KCND2: variants seen among roughly 807,000 people sequenced by gnomAD.
KCND2 encodes the protein A-type voltage-gated potassium channel KCND2.
In KCND2, 16 loss-of-function variants were observed where a neutral mutation model predicts 54.4. The ratio of observed to expected loss-of-function variants is 0.29; its 90% CI spans 0.20 to 0.45. The LOEUF (loss-of-function observed/expected upper bound fraction) is 0.45. Among genes scored for constraint, KCND2 ranks in the 20% least tolerant of loss-of-function variants. KCND2 has a pLI of 1.00. For synonymous variants in KCND2, 317 were observed against 310.7 expected, an observed-to-expected ratio of 1.02 and a Z score of -0.21; for missense variants, 486 against 824.2, an observed-to-expected ratio of 0.59 and a Z score of 5.02.
At chr7:120,391,229 C>T (rs560108870) in intron 1 of KCND2, among the ~76,000 whole-genome samples, 3 of 152,134 alleles carry the variant, frequency 2.0e-5, no homozygotes, top group South Asian at 2.1e-4. Context: ...CTTCCATGTC[C>T]GTGCAAAGGA....
At chr7:120,287,658 G>A (rs1001433089) in intron 1 of KCND2, among the ~76,000 whole-genome samples, 1 of 151,994 alleles carries the variant, frequency 6.6e-6, no homozygotes, top group Non-Finnish European at 1.5e-5. Flanking sequence ...TTCAAGACCA[G>A]CCTGACCAGC....
intron 1 of KCND2, among the ~76,000 whole-genome samples, chr7:120,285,630 T>C (rs1004874309): frequency 5.9e-5 from 9 of 151,966 alleles, no homozygotes; most frequent in Non-Finnish European, 1.2e-4. Context: ...ATAGATTGCC[T>C]TGCATTTTTT....
chr7:120,364,954 A>AT (rs1277734721), intron 1 of KCND2, among the ~76,000 whole-genome samples: 1 of 152,058 alleles, frequency 6.6e-6, no homozygotes, highest in Admixed American at 6.6e-5. Flanking sequence ...GAGCAAAAAG[A>AT]TTATAAGAAA....
At chr7:120,474,049 A>C (rs1328340704) in intron 1 of KCND2, among the ~76,000 whole-genome samples, 1 of 152,134 alleles carries the variant, frequency 6.6e-6, no homozygotes, top group African/African-American at 2.4e-5. Flanking sequence ...CAGGAGCTCT[A>C]CTTACCTCAG....
chr7:120,556,257 G>A (rs1359991372), intron 1 of KCND2, among the ~76,000 whole-genome samples: 1 of 152,090 alleles, frequency 6.6e-6, no homozygotes, highest in African/African-American at 2.4e-5. Flanking sequence ...AATTCCCCTG[G>A]TGAGCCAAAG....
At chr7:120,632,536 A>G (rs1350774673) in intron 1 of KCND2, among the ~76,000 whole-genome samples, 2 of 152,176 alleles carry the variant, frequency 1.3e-5, no homozygotes, top group African/African-American at 2.4e-5. Context: ...CTGATATATG[A>G]TAGTCTTTCC....
At chr7:120,574,922 T>C (rs1792409630) in intron 1 of KCND2, among the ~76,000 whole-genome samples, 2 of 152,224 alleles carry the variant, frequency 1.3e-5, no homozygotes, top group African/African-American at 4.8e-5. Context: ...TTTTGAATTA[T>C]TTTAAAATTT....
chr7:120,344,518 A>T (rs1245836926), intron 1 of KCND2, among the ~76,000 whole-genome samples: 2 of 152,156 alleles, frequency 1.3e-5, no homozygotes, highest in Non-Finnish European at 1.5e-5. Context: ...TTATAAGAAG[A>T]TAATGTTGCA....
intron 1 of KCND2, among the ~76,000 whole-genome samples, chr7:120,670,079 C>A (rs1791973591): frequency 6.6e-6 from 1 of 151,970 alleles, no homozygotes; most frequent in Admixed American, 6.5e-5. Context: ...AAGGGGTGAA[C>A]TAAAATCTCA....
chr7:120,321,085 T>C (rs1470730425), intron 1 of KCND2, among the ~76,000 whole-genome samples: 4 of 152,316 alleles, frequency 2.6e-5, no homozygotes, highest in Admixed American at 2.6e-4. Flanking sequence ...TATGCATTTG[T>C]AAATTAATCC....
intron 1 of KCND2, among the ~76,000 whole-genome samples, chr7:120,635,769 AT>A (rs1362827641): frequency 6.6e-6 from 1 of 152,204 alleles, no homozygotes; most frequent in Admixed American, 6.5e-5. Context: ...TAAGAACTAC[AT>A]GATGTAGATA....
At chr7:120,611,229 C>T (rs911359111) in intron 1 of KCND2, among the ~76,000 whole-genome samples, 9 of 152,268 alleles carry the variant, frequency 5.9e-5, no homozygotes, top group South Asian at 2.1e-4. Context: ...TTAATTATTA[C>T]GCATTTCATT....
At chr7:120,484,067 A>C (rs1304882254) in intron 1 of KCND2, among the ~76,000 whole-genome samples, 1 of 152,132 alleles carries the variant, frequency 6.6e-6, no homozygotes, top group Non-Finnish European at 1.5e-5. Flanking sequence ...ATTGATGAGG[A>C]GCAAGATCCT....
At chr7:120,558,184 G>C (rs982614564) in intron 1 of KCND2, among the ~76,000 whole-genome samples, 1 of 152,004 alleles carries the variant, frequency 6.6e-6, no homozygotes, top group Non-Finnish European at 1.5e-5. Flanking sequence ...TCAACAACAG[G>C]ATACGCCTCC....
intron 1 of KCND2, among the ~76,000 whole-genome samples, chr7:120,496,703 C>T (rs1802852892): frequency 6.6e-6 from 1 of 152,150 alleles, no homozygotes; most frequent in Non-Finnish European, 1.5e-5. Context: ...GGATTACAGG[C>T]GTGAGCCACC....
intron 1 of KCND2, among the ~76,000 whole-genome samples, chr7:120,678,735 A>AGT (rs1186436162): frequency 8.2e-5 from 7 of 85,336 alleles, no homozygotes; most frequent in East Asian, 4.1e-4. Flanking sequence ...TGGGTGTGTG[A>AGT]GTGTATATAT....
chr7:120,359,139 C>T (rs1336981330), intron 1 of KCND2, among the ~76,000 whole-genome samples: 1 of 152,094 alleles, frequency 6.6e-6, no homozygotes, highest in Non-Finnish European at 1.5e-5. Flanking sequence ...TTAGCATGTT[C>T]AGTGCTTCAT....
intron 1 of KCND2, among the ~76,000 whole-genome samples, chr7:120,668,677 A>T (rs1357680663): frequency 1.3e-5 from 2 of 152,072 alleles, no homozygotes; most frequent in Non-Finnish European, 2.9e-5. Context: ...ACTCTGCAGG[A>T]TTTGATAGTA....
chr7:120,451,810 T>C (rs1802114234), intron 1 of KCND2, among the ~76,000 whole-genome samples: 1 of 152,232 alleles, frequency 6.6e-6, no homozygotes, highest in Non-Finnish European at 1.5e-5. Context: ...CAACTCTTGA[T>C]GTGCTATGCT....
Sources: gnomAD v4.1 joint callset for allele counts (sites outside exome capture counted in the v4.1 genomes callset) on GRCh38, gnomAD v4.1.1 for gene constraint, MANE v1.5 for transcripts, NCBI Gene and HGNC (gene_info 2026-07-23, HGNC 2026-07-21) for gene names.